PTPRM: variants seen among roughly 807,000 people sequenced by gnomAD.
The protein encoded by PTPRM is protein tyrosine phosphatase receptor type M, also known as receptor-type tyrosine-protein phosphatase mu.
A neutral mutation model predicts 186.7 loss-of-function variants in PTPRM; 47 were observed. The ratio of observed to expected loss-of-function variants is 0.25; its 90% CI spans 0.20 to 0.32. The LOEUF (loss-of-function observed/expected upper bound fraction) is 0.32. Among genes scored for constraint, PTPRM ranks in the 10% least tolerant of loss-of-function variants. PTPRM has a pLI of 1.00. For synonymous variants in PTPRM, 668 were observed against 674.9 expected, an observed-to-expected ratio of 0.99 and a Z score of 0.16; for missense variants, 1,494 against 1,865.0, an observed-to-expected ratio of 0.80 and a Z score of 3.66.
At chr18:8,364,711 A>G (rs895739751) in intron 23 of PTPRM, among the ~76,000 whole-genome samples, 1 of 152,194 alleles carries the variant, frequency 6.6e-6, no homozygotes, top group Non-Finnish European at 1.5e-5. Flanking sequence ...AACAAAGAAG[A>G]GTCTCTTAAA....
At chr18:8,330,651 G>A (rs1371157026) in intron 22 of PTPRM, among the ~76,000 whole-genome samples, 4 of 85,062 alleles carry the variant, frequency 4.7e-5, no homozygotes, top group Middle Eastern at 7.5e-3. Flanking sequence ...GAAGGCTGCC[G>A]TTCATTTTTT....
intron 6 of PTPRM, 126 bp downstream of exon 6, chr18:7,949,481 C>T: frequency 1.3e-6 from 1 of 768,702 alleles, no homozygotes; most frequent in South Asian, 3.1e-5. Flanking sequence ...TGATGACAGG[C>T]TATTTTGATG....
intron 7 of PTPRM, among the ~76,000 whole-genome samples, chr18:8,015,786 A>G (rs2084824674): frequency 6.6e-6 from 1 of 152,212 alleles, no homozygotes; most frequent in Non-Finnish European, 1.5e-5. Context: ...CTTTTAAATT[A>G]GAATTATAAT....
intron 7 of PTPRM, among the ~76,000 whole-genome samples, chr18:8,061,866 C>T (rs2088558699): frequency 2.1e-5 from 1 of 47,020 alleles, no homozygotes; most frequent in Non-Finnish European, 4.2e-5. Context: ...GGTAACCCGA[C>T]CTTTCTCTCT....
chr18:7,918,274 C>A (rs909392353), intron 4 of PTPRM, among the ~76,000 whole-genome samples: 1 of 148,704 alleles, frequency 6.7e-6, no homozygotes, highest in Non-Finnish European at 1.5e-5. Context: ...ATTGCTGGAT[C>A]TTATGGTAGT....
At chr18:7,658,916 A>G (rs1184968062) in intron 1 of PTPRM, among the ~76,000 whole-genome samples, 1 of 151,950 alleles carries the variant, frequency 6.6e-6, no homozygotes, top group African/African-American at 2.4e-5. Flanking sequence ...CATTGATGAG[A>G]TTTCCAACCT....
intron 19 of PTPRM, among the ~76,000 whole-genome samples, chr18:8,262,626 T>C (rs933352518): frequency 6.6e-6 from 1 of 152,268 alleles, no homozygotes; most frequent in East Asian, 1.9e-4. Flanking sequence ...CCCCAAGCTG[T>C]CCCTGATCCC....
At chr18:7,779,382 C>CT (rs1250504687) in intron 2 of PTPRM, among the ~76,000 whole-genome samples, 1 of 152,112 alleles carries the variant, frequency 6.6e-6, no homozygotes, top group African/African-American at 2.4e-5. Context: ...GGAAATGTGA[C>CT]TAAGAATTGA....
chr18:8,153,352 C>A (rs902184195), intron 14 of PTPRM, among the ~76,000 whole-genome samples: 1 of 152,142 alleles, frequency 6.6e-6, no homozygotes, highest in Non-Finnish European at 1.5e-5. Flanking sequence ...CTGGGTCTCT[C>A]TGGTAGTCGT....
intron 1 of PTPRM, among the ~76,000 whole-genome samples, chr18:7,761,469 C>T (rs1268452397): frequency 2.0e-5 from 3 of 152,180 alleles, no homozygotes. Flanking sequence ...TTTTTGTTGA[C>T]TTATGCTGAG....
At chr18:7,836,425 G>A (rs1286293122) in intron 2 of PTPRM, among the ~76,000 whole-genome samples, 1 of 152,006 alleles carries the variant, frequency 6.6e-6, no homozygotes, top group African/African-American at 2.4e-5. Flanking sequence ...ATATCTTCTT[G>A]CACTATGTCT....
intron 31 of PTPRM, 137 bp from the exon 32 acceptor site, chr18:8,394,339 C>A: frequency 2.2e-6 from 2 of 919,288 alleles, no homozygotes; most frequent in Non-Finnish European, 3.1e-6. Flanking sequence ...AGAATCTGCC[C>A]AGGTAAGAGG....
chr18:8,260,916 C>T (rs75784678), intron 19 of PTPRM, among the ~76,000 whole-genome samples: 5,276 of 152,268 alleles, frequency 0.035, 101 homozygotes, highest in South Asian at 0.058. Context: ...CACTTCTAGA[C>T]GACTTTTCAG....
chr18:8,078,342 C>A (rs620346), intron 9 of PTPRM, among the ~76,000 whole-genome samples: 95,159 of 152,052 alleles, frequency 0.63, 29,946 homozygotes, highest in African/African-American at 0.67. Context: ...TACATGTTGA[C>A]CCAGATTCAG....
At chr18:8,326,706 T>C (rs2095379376) in intron 22 of PTPRM, among the ~76,000 whole-genome samples, 1 of 152,106 alleles carries the variant, frequency 6.6e-6, no homozygotes, top group South Asian at 2.1e-4. Context: ...TTATTAATAT[T>C]ATTGAATAAT....
At chr18:8,188,450 G>C (rs1159088545) in intron 14 of PTPRM, among the ~76,000 whole-genome samples, 3 of 152,230 alleles carry the variant, frequency 2.0e-5, no homozygotes, top group African/African-American at 4.8e-5. Flanking sequence ...AACACTTCCT[G>C]TATGTAACAG....
At chr18:8,381,951 G>T (rs1160719876) in intron 29 of PTPRM, among the ~76,000 whole-genome samples, 1 of 152,126 alleles carries the variant, frequency 6.6e-6, no homozygotes, top group Non-Finnish European at 1.5e-5. Context: ...AACTGCATTG[G>T]AATTCTAAAG....
chr18:7,835,315 T>G (rs977210228), intron 2 of PTPRM, among the ~76,000 whole-genome samples: 2 of 152,064 alleles, frequency 1.3e-5, no homozygotes, highest in Non-Finnish European at 2.9e-5. Flanking sequence ...TTTTTTAATT[T>G]CCTTCTTAAT....
intron 11 of PTPRM, among the ~76,000 whole-genome samples, chr18:8,099,564 A>G (rs957444039): frequency 2.0e-4 from 30 of 151,836 alleles, no homozygotes; most frequent in African/African-American, 6.3e-4. Flanking sequence ...AAACAGGCCA[A>G]TGTGTCTTCC....
Sources: gnomAD v4.1 joint callset for allele counts (sites outside exome capture counted in the v4.1 genomes callset) on GRCh38, gnomAD v4.1.1 for gene constraint, MANE v1.5 for transcripts, NCBI Gene and HGNC (gene_info 2026-07-23, HGNC 2026-07-21) for gene names.